BORA: variants seen among roughly 807,000 people sequenced by gnomAD.
BORA encodes protein aurora borealis.
Under a neutral mutation model 55.8 loss-of-function variants are expected in BORA, and 26 were observed. The observed-to-expected ratio is 0.47, with a 90% CI of 0.34 to 0.65. The LOEUF (loss-of-function observed/expected upper bound fraction) is 0.65, where lower values mean the gene tolerates loss of function less well. BORA is among the 30% of genes least tolerant of loss of function. BORA has a pLI of 0.01. For missense variants in BORA, 568 were observed against 671.5 expected (o/e 0.85, Z 1.70); for synonymous variants, 201 against 216.9 (o/e 0.93, Z 0.64).
chr13:72,750,877 C>T (rs748181660), intron 10 of BORA, among the ~76,000 whole-genome samples: 4 of 151,948 alleles, frequency 2.6e-5, no homozygotes, highest in Non-Finnish European at 4.4e-5. Flanking sequence ...TAGGAGTAGC[C>T]GCAGTAACTC....
At chr13:72,750,688 T>C (rs545639807) in intron 10 of BORA, among the ~76,000 whole-genome samples, 5 of 152,238 alleles carry the variant, frequency 3.3e-5, no homozygotes, top group South Asian at 4.1e-4. Flanking sequence ...TAATTATTAA[T>C]AGGTATCAGT....
chr13:72,745,562 A>G (rs1332223188), intron 8 of BORA, among the ~76,000 whole-genome samples: 1 of 152,202 alleles, frequency 6.6e-6, no homozygotes, highest in Non-Finnish European at 1.5e-5. Context: ...TTGTATTTAG[A>G]TATGTACAGG....
chr13:72,733,121 T>G (rs1420870429), intron 3 of BORA, among the ~76,000 whole-genome samples: 2 of 152,200 alleles, frequency 1.3e-5, no homozygotes, highest in Non-Finnish European at 2.9e-5. Flanking sequence ...CAATGAATGG[T>G]TATGGCTTCT....
chr13:72,745,496 T>C (rs1187917742), intron 8 of BORA, among the ~76,000 whole-genome samples: 3 of 152,186 alleles, frequency 2.0e-5, no homozygotes, highest in African/African-American at 7.2e-5. Context: ...AGAAACTAAC[T>C]CTAGTTCGTA....
chr13:72,729,650 C>T (rs2032769315), intron 2 of BORA, among the ~76,000 whole-genome samples: 1 of 152,188 alleles, frequency 6.6e-6, no homozygotes, highest in African/African-American at 2.4e-5. Flanking sequence ...CAGCCATAGG[C>T]AATGTGTAAA....
rs375577595 is a variant in BORA, at chr13:72,728,956, G to A, written c.16G>A (p.Glu6Lys). The change falls in exon 2 of 12, where the codon GAA (glutamate) becomes AAA (lysine). Residue 6 changes from glutamate (E) to lysine (K), a missense_variant. Glu to Lys is a moderately conservative substitution (Grantham distance 56). Coordinates refer to ENST00000390667, the MANE Select transcript of BORA (RefSeq NM_024808.5). ...TCTCTGTGCTATGGGAGATGTCAAGGAATCAAAGATGCAAATAACACCAGA... is the reference window on the plus strand; with the variant it reads ...TCTCTGTGCTATGGGAGATGTCAAGAAATCAAAGATGCAAATAACACCAGA... MGDVK[E>K]SKMQITPETP... 4 of 1,600,004 alleles carry A rather than the reference G, an allele frequency of 2.5e-6. No homozygotes were observed. In the African/African-American group the frequency reaches 5.4e-5, roughly 22 times the overall value.
chr13:72,745,891 A>C, intron 8 of BORA, 53 bp from the exon 9 acceptor site: 2 of 1,473,002 alleles, frequency 1.4e-6, no homozygotes, highest in South Asian at 2.6e-5. Context: ...ATGCAGCATA[A>C]GAGTTAAGGA....
chr13:72,742,087 T>C (rs1298988380), intron 5 of BORA, among the ~76,000 whole-genome samples: 1 of 152,140 alleles, frequency 6.6e-6, no homozygotes, highest in African/African-American at 2.4e-5. Flanking sequence ...AGTGACAAAG[T>C]CATCTGCATC....
chr13:72,745,681 T>A (rs866455152), intron 8 of BORA, among the ~76,000 whole-genome samples: 8 of 152,180 alleles, frequency 5.3e-5, no homozygotes, highest in African/African-American at 1.9e-4. Flanking sequence ...AATTTAAAAA[T>A]TTTTCACAGA....
chr13:72,728,672 T>A (rs988055064), intron 1 of BORA, among the ~76,000 whole-genome samples: 3 of 152,240 alleles, frequency 2.0e-5, no homozygotes, highest in African/African-American at 7.2e-5. Flanking sequence ...TATAAGCCAC[T>A]TCACTTCTCT....
intron 5 of BORA, 26 bp from the exon 6 acceptor site, chr13:72,743,511 G>A (rs762675507): frequency 6.4e-7 from 1 of 1,554,584 alleles, no homozygotes; most frequent in Non-Finnish European, 8.8e-7. Context: ...TAAAACATAG[G>A]ATTTTTCACT....
chr13:72,739,767 C>A (rs2032999737), intron 5 of BORA, among the ~76,000 whole-genome samples: 1 of 152,012 alleles, frequency 6.6e-6, no homozygotes. Context: ...AGGAGAGACA[C>A]AAGATGGAAA....
chr13:72,728,861 A>G, intron 1 of BORA, 65 bp from the exon 2 acceptor site: 5 of 1,369,780 alleles, frequency 3.7e-6, no homozygotes, highest in South Asian at 1.6e-5. Context: ...GTACATTTTA[A>G]TAGTTAAAAT....
At chr13:72,746,123 T>C (rs2033135696) in intron 9 of BORA, 47 bp downstream of exon 9, 21 of 1,485,162 alleles carry the variant, frequency 1.4e-5, no homozygotes, top group Non-Finnish European at 1.9e-5. Context: ...ATACTATCAA[T>C]ATTTGTTATT....
rs575873111 is a variant in BORA at position 72,742,567 on chromosome 13, T to TA, written c.389-960dup. ...TCATGAAGAGTAATCATCATTTCCT[T>TA]AAAAAAAAAACATTACTTTGGGATT... On this transcript the variant is annotated intron_variant, in intron 5 of 11. Transcript: ENST00000390667. Among the ~76,000 whole-genome samples the TA allele has an allele frequency of 8.9e-3, 1,303 of 146,830 alleles. 16 individuals carry two copies. Among genetic ancestry groups the TA allele is most frequent in the Middle Eastern group, 0.014 (4 of 278 alleles).
At chr13:72,732,692 A>G (rs2032844626) in intron 3 of BORA, among the ~76,000 whole-genome samples, 1 of 152,182 alleles carries the variant, frequency 6.6e-6, no homozygotes, top group Non-Finnish European at 1.5e-5. Context: ...AATAAAATAA[A>G]TAAATAAGTA....
chr13:72,728,915 T>C lies in BORA; in HGVS notation c.-15-11T>C. On this transcript the variant is annotated splice_polypyrimidine_tract_variant and intron_variant, in intron 1 of 11. Coordinates refer to ENST00000390667, the MANE Select transcript of BORA (RefSeq NM_024808.5). Reference sequence around the variant, plus strand: ...GTAATTTTAACATGCATACTCTTGATTTCTTTTTAGTTTTCTCTCTGTGCT... The same window carrying C: ...GTAATTTTAACATGCATACTCTTGACTTCTTTTTAGTTTTCTCTCTGTGCT... The C allele has an allele frequency of 6.4e-7, 1 of 1,558,716 alleles. No individual in the cohort carries two copies. The highest frequency in any genetic ancestry group is 1.8e-4 in the Middle Eastern group (1 of 5,654).
intron 10 of BORA, among the ~76,000 whole-genome samples, chr13:72,748,779 C>A (rs1328042346): frequency 6.6e-6 from 1 of 151,478 alleles, no homozygotes; most frequent in Non-Finnish European, 1.5e-5. Context: ...AGAGGAATTA[C>A]AAAATACTTT....
intron 3 of BORA, 29 bp from the exon 4 acceptor site, chr13:72,734,931 G>C (rs1007371408): frequency 1.4e-6 from 2 of 1,477,206 alleles, no homozygotes; most frequent in African/African-American, 1.4e-5. Context: ...GTAATAGCAT[G>C]GTTATTTTTC....
Sources: gnomAD v4.1 joint callset for allele counts (sites outside exome capture counted in the v4.1 genomes callset) on GRCh38, gnomAD v4.1.1 for gene constraint, MANE v1.5 for transcripts, NCBI Gene and HGNC (gene_info 2026-07-23, HGNC 2026-07-21) for gene names.